RAPGEF2: variants seen among roughly 807,000 people sequenced by gnomAD.
RAPGEF2 encodes the protein PDZ domain containing guanine nucleotide exchange factor (GEF) 1.
RAPGEF2 carries 54 observed loss-of-function variants against 186.7 expected under a neutral mutation model. That is an observed-to-expected ratio of 0.29 (90% CI 0.23 to 0.36). RAPGEF2 has a LOEUF of 0.36. RAPGEF2 is among the 10% of genes least tolerant of loss of function. The pLI is 1.00. For missense variants in RAPGEF2, 1,532 were observed against 2,045.0 expected, an observed-to-expected ratio of 0.75 and a Z score of 4.84; for synonymous variants, 712 against 705.9, an observed-to-expected ratio of 1.01 and a Z score of -0.14.
chr4:159,115,613 C>G (rs907992930), intron 1 of RAPGEF2, among the ~76,000 whole-genome samples: 3 of 151,792 alleles, frequency 2.0e-5, no homozygotes, highest in African/African-American at 7.3e-5. Context: ...TCCTTTTAAA[C>G]ACAGTCAAAT....
Position 159,270,111 on chromosome 4 carries a change from G to A in RAPGEF2, c.543+26320G>A, listed in dbSNP as rs116270547. On this transcript the variant is annotated intron_variant, in intron 7 of 29. Coordinates refer to ENST00000691494, the MANE Select transcript of RAPGEF2 (RefSeq NM_001394067.2). ...GAAATCTGTGAGTGGTATTGCCCATGACACTTTGGTTAGAACTTGAAATAC... is the reference window on the plus strand; with the variant it reads ...GAAATCTGTGAGTGGTATTGCCCATAACACTTTGGTTAGAACTTGAAATAC... Among the ~76,000 whole-genome samples the A allele has an allele frequency of 4.0e-3, 605 of 152,336 alleles. 4 individuals are homozygous for A. Among genetic ancestry groups the A allele is most frequent in the African/African-American group, 0.014 (574 of 41,570 alleles).
At chr4:159,160,197 C>A (rs1744560854) in intron 1 of RAPGEF2, among the ~76,000 whole-genome samples, 1 of 152,136 alleles carries the variant, frequency 6.6e-6, no homozygotes, top group South Asian at 2.1e-4. Context: ...TGAAATGTAC[C>A]TTTTACTGAT....
chr4:159,227,476 A>G (rs374471625), intron 4 of RAPGEF2, among the ~76,000 whole-genome samples: 2 of 152,242 alleles, frequency 1.3e-5, no homozygotes, highest in East Asian at 1.9e-4. Flanking sequence ...ATGTGTCTAC[A>G]TGCTGAAAAG....
intron 7 of RAPGEF2, among the ~76,000 whole-genome samples, chr4:159,244,725 C>T (rs1010674357): frequency 1.7e-4 from 26 of 151,686 alleles, no homozygotes; most frequent in Admixed American, 1.3e-3. Context: ...AGTAACTTTG[C>T]CTAAAAGTAT....
intron 1 of RAPGEF2, among the ~76,000 whole-genome samples, chr4:159,171,523 G>A (rs1745902820): frequency 6.6e-6 from 1 of 152,092 alleles, no homozygotes; most frequent in Non-Finnish European, 1.5e-5. Flanking sequence ...CTGGCAAGCA[G>A]AGAGTATGCA....
At chr4:159,125,261 T>A (rs1256958674) in intron 1 of RAPGEF2, among the ~76,000 whole-genome samples, 3 of 152,258 alleles carry the variant, frequency 2.0e-5, no homozygotes, top group African/African-American at 7.2e-5. Flanking sequence ...TATTTACTAC[T>A]GTTTTACCTT....
chr4:159,295,764 C>CGT (rs1761929152), intron 7 of RAPGEF2, among the ~76,000 whole-genome samples: 3 of 135,694 alleles, frequency 2.2e-5, no homozygotes, highest in Non-Finnish European at 4.7e-5. Flanking sequence ...TGCGCGCGCG[C>CGT]GCGCGCGCGC....
chr4:159,268,344 G>T, intron 7 of RAPGEF2: 2 of 688,420 alleles, frequency 2.9e-6, no homozygotes, highest in South Asian at 2.2e-5. Context: ...GCTTGGAGAG[G>T]AGGGGAGGGT....
At chr4:159,333,831 A>G (rs1033026368) in intron 17 of RAPGEF2, among the ~76,000 whole-genome samples, 2 of 152,248 alleles carry the variant, frequency 1.3e-5, no homozygotes, top group Non-Finnish European at 2.9e-5. Flanking sequence ...TGATAATTTA[A>G]TGGGTCTAAA....
intron 2 of RAPGEF2, among the ~76,000 whole-genome samples, chr4:159,191,096 G>C (rs1051066897): frequency 6.6e-5 from 10 of 152,098 alleles, no homozygotes; most frequent in African/African-American, 2.2e-4. Context: ...TCATGAACTG[G>C]GTGAGATTAC....
chr4:159,293,582 A>C (rs1000305784), intron 7 of RAPGEF2, among the ~76,000 whole-genome samples: 4 of 152,238 alleles, frequency 2.6e-5, no homozygotes, highest in Non-Finnish European at 5.9e-5. Context: ...TTAGAATTTC[A>C]CTGTGGAAGA....
intron 25 of RAPGEF2, among the ~76,000 whole-genome samples, chr4:159,349,485 G>C (rs1289730945): frequency 7.7e-6 from 1 of 129,836 alleles, no homozygotes; most frequent in East Asian, 1.9e-4. Flanking sequence ...GTTGGATCCT[G>C]CACGTGGTGC....
Position 159,346,974 on chromosome 4 carries a change from C to T in RAPGEF2, c.3688C>T (p.Pro1230Ser), listed in dbSNP as rs1320239373. The change falls in exon 25 of 30, where the codon CCC (proline) becomes TCC (serine). Residue 1230 changes from proline to serine, a missense_variant. Pro to Ser is a moderately conservative substitution (Grantham distance 74, BLOSUM62 -1). Coordinates refer to ENST00000691494, the MANE Select transcript of RAPGEF2 (RefSeq NM_001394067.2). ...VSLYPSRKKV[P>S]VKDLPPFGIN... ...CCTTTATCCTTCACGGAAGAAAGTG[C>T]CCGTAAAGGATCTCCCACCTTTTGG... is the stretch of plus-strand genomic sequence containing the variant. The T allele has an allele frequency of 1.2e-6, 2 of 1,613,754 alleles. No homozygotes were observed. Among genetic ancestry groups the T allele is most frequent in the Non-Finnish European group, 1.7e-6 (2 of 1,179,762 alleles).
At chr4:159,237,589 G>T (rs1337936793) in intron 4 of RAPGEF2, among the ~76,000 whole-genome samples, 2 of 151,972 alleles carry the variant, frequency 1.3e-5, no homozygotes, top group Non-Finnish European at 2.9e-5. Context: ...AATAGAACAA[G>T]AATTTCCATA....
intron 11 of RAPGEF2, chr4:159,329,323 T>G (rs1407701281): frequency 6.6e-6 from 1 of 152,288 alleles, no homozygotes; most frequent in East Asian, 1.9e-4. Flanking sequence ...CTATAACACA[T>G]ATGTGGTTTG....
At chr4:159,183,398 A>G (rs1747222362) in intron 1 of RAPGEF2, among the ~76,000 whole-genome samples, 1 of 152,202 alleles carries the variant, frequency 6.6e-6, no homozygotes, top group African/African-American at 2.4e-5. Flanking sequence ...CCTACTTCAC[A>G]CTGTATACAA....
At chr4:159,340,697 AC>A in intron 19 of RAPGEF2, among the ~76,000 whole-genome samples, 1 of 148,952 alleles carries the variant, frequency 6.7e-6, no homozygotes, top group South Asian at 2.2e-4. Flanking sequence ...ACACACACAC[AC>A]ACACACACAT....
At chr4:159,305,739 T>C (rs1484636303) in intron 8 of RAPGEF2, among the ~76,000 whole-genome samples, 1 of 152,156 alleles carries the variant, frequency 6.6e-6, no homozygotes, top group Non-Finnish European at 1.5e-5. Context: ...TCCTGAATTA[T>C]TTGCGTAGAC....
At chr4:159,278,531 C>T (rs1759241118) in intron 7 of RAPGEF2, among the ~76,000 whole-genome samples, 1 of 152,184 alleles carries the variant, frequency 6.6e-6, no homozygotes, top group South Asian at 2.1e-4. Context: ...GAAACTGCTG[C>T]TAGTAACCCA....
Sources: gnomAD v4.1 joint callset for allele counts (sites outside exome capture counted in the v4.1 genomes callset) on GRCh38, gnomAD v4.1.1 for gene constraint, MANE v1.5 for transcripts, NCBI Gene and HGNC (gene_info 2026-07-23, HGNC 2026-07-21) for gene names.